OPA1: variants seen among roughly 807,000 people sequenced by gnomAD.
The protein encoded by OPA1 is OPA1 mitochondrial dynamin like GTPase.
Under a neutral mutation model 152.9 loss-of-function variants are expected in OPA1, and 59 were observed. The ratio of observed to expected loss-of-function variants is 0.39; its 90% CI spans 0.31 to 0.48. The LOEUF is 0.48. Among genes scored for constraint, OPA1 ranks in the 20% least tolerant of loss-of-function variants. OPA1 has a pLI of 0.96. For synonymous variants in OPA1, 400 were observed against 389.9 expected, an observed-to-expected ratio of 1.03 and a Z score of -0.31; for missense variants, 1,008 against 1,216.8, an observed-to-expected ratio of 0.83 and a Z score of 2.55.
At chr3:193,688,898 A>G (rs1426511055) in intron 29 of OPA1, among the ~76,000 whole-genome samples, 1 of 152,152 alleles carries the variant, frequency 6.6e-6, no homozygotes, top group African/African-American at 2.4e-5. Flanking sequence ...AGGTAGGAGA[A>G]TCGCTTGAGC....
chr3:193,654,896 G>T lies in OPA1; in HGVS notation c.2047G>T (p.Val683Leu). ...CCTTCAACAATCTTTGTGGGAAAGAGTATCAACTCATGTGATTGAAAACAT... is the reference window on the plus strand; with the variant it reads ...CCTTCAACAATCTTTGTGGGAAAGATTATCAACTCATGTGATTGAAAACAT... Reference protein sequence around the residue: ...EILQQSLWERVSTHVIENIYL... With the variant: ...EILQQSLWERLSTHVIENIYL... The change falls in exon 22 of 31, where the codon GTA (valine) becomes TTA (leucine). Residue 683 changes from valine (V) to leucine (L), a missense_variant. Physicochemically the swap from Val to Leu is conservative, Grantham distance 32. Transcript: ENST00000361510. 1 of 1,613,920 alleles carries T rather than the reference G, an allele frequency of 6.2e-7. No individual in the cohort carries two copies. The highest frequency in any genetic ancestry group is 1.3e-5 in the African/African-American group (1 of 75,026).
rs557322170 is a variant in OPA1, at chr3:193,609,397, C to T, written c.33-5326C>T. 1.2e-4 allele frequency among the ~76,000 whole-genome samples: 19 copies of T among 152,232 alleles called. No individual in the cohort carries two copies. In the South Asian group the frequency reaches 2.5e-3, roughly 20 times the overall value. On this transcript the variant is annotated intron_variant, in intron 1 of 30. Coordinates refer to ENST00000361510, the MANE Select transcript of OPA1 (RefSeq NM_130837.3). Reference sequence around the variant, plus strand: ...CTCTTCTGGCGTGTAGAGTTTCTGCCGAGAGATCAGCTGTTGGTCTGATGG... The same window carrying T: ...CTCTTCTGGCGTGTAGAGTTTCTGCTGAGAGATCAGCTGTTGGTCTGATGG...
At chr3:193,603,766 TA>T (rs1045265786) in intron 1 of OPA1, among the ~76,000 whole-genome samples, 1 of 152,198 alleles carries the variant, frequency 6.6e-6, no homozygotes. Flanking sequence ...TCCTGACTGA[TA>T]TTTTTTTTTC....
chr3:193,618,216 T>C (rs868292515), intron 5 of OPA1, among the ~76,000 whole-genome samples: 1 of 152,004 alleles, frequency 6.6e-6, no homozygotes, highest in South Asian at 2.1e-4. Flanking sequence ...CGGTGGCTCA[T>C]GCCTGTAATC....
chr3:193,597,451 G>A (rs1385745935), intron 1 of OPA1, among the ~76,000 whole-genome samples: 2 of 152,104 alleles, frequency 1.3e-5, no homozygotes, highest in Non-Finnish European at 2.9e-5. Flanking sequence ...AGCACTTTGG[G>A]AGGCCGAGGT....
intron 8 of OPA1, among the ~76,000 whole-genome samples, 185 bp from the exon 9 acceptor site, chr3:193,635,233 A>C (rs1206187973): frequency 6.6e-6 from 1 of 152,170 alleles, no homozygotes; most frequent in African/African-American, 2.4e-5. Context: ...AATGATTTCC[A>C]CTGTTTGTAA....
chr3:193,664,077 G>C (rs1715951397), intron 26 of OPA1, among the ~76,000 whole-genome samples: 1 of 152,086 alleles, frequency 6.6e-6, no homozygotes, highest in South Asian at 2.1e-4. Context: ...CTTAGGCAAT[G>C]AATTGACTGT....
Position 193,647,363 on chromosome 3 carries a change from T to C in OPA1, c.1870+183T>C, listed in dbSNP as rs74442140. Among the ~76,000 whole-genome samples the C allele has an allele frequency of 0.019, 2,941 of 152,316 alleles. 42 individuals are homozygous for C. The highest frequency in any genetic ancestry group is 0.025 in the Non-Finnish European group (1,730 of 68,030). On this transcript the variant is annotated intron_variant, in intron 19 of 30. Transcript: ENST00000361510. ...AGTTGTTATACAAGAACAAGATTTTTCCTTTCAGAGGAAACATCTCTAGAA... is the reference window on the plus strand; with the variant it reads ...AGTTGTTATACAAGAACAAGATTTTCCCTTTCAGAGGAAACATCTCTAGAA...
intron 29 of OPA1, among the ~76,000 whole-genome samples, chr3:193,672,544 G>T (rs1718157210): frequency 6.6e-6 from 1 of 152,114 alleles, no homozygotes; most frequent in Non-Finnish European, 1.5e-5. Flanking sequence ...CATTCAAGGG[G>T]CATTATTGAT....
At chr3:193,667,523 T>G in intron 29 of OPA1, 1 of 436,284 alleles carries the variant, frequency 2.3e-6, no homozygotes, top group Non-Finnish European at 4.4e-6. Context: ...ACAAAAAACT[T>G]AGCCAGGTGT....
chr3:193,643,443 A>G lies in OPA1; in HGVS notation c.1376A>G (p.Asn459Ser), dbSNP rs1242989944. ...CTTGTTGACTTACCAGGTGTGATTAATGTAAGTATATACAAAACATGTATT... is the reference window on the plus strand; with the variant it reads ...CTTGTTGACTTACCAGGTGTGATTAGTGTAAGTATATACAAAACATGTATT... ...MVLVDLPGVI[N>S]TVTSGMAPDT... The change falls in exon 14 of 31, where the codon AAT becomes AGT. Residue 459 changes from asparagine to serine, a missense_variant and splice_region_variant. By Grantham distance (46) the Asn-to-Ser change is conservative. This residue lies in a region of OPA1 where 213 missense variants were observed against 291.4 expected (regional missense o/e 0.73). Transcript: ENST00000361510. The G allele has an allele frequency of 1.2e-6, 2 of 1,608,184 alleles. No individual in the cohort carries two copies. The highest frequency in any genetic ancestry group is 2.7e-5 in the African/African-American group (2 of 74,832).
intron 18 of OPA1, among the ~76,000 whole-genome samples, chr3:193,646,044 C>T (rs1560378236): frequency 7.0e-6 from 1 of 142,310 alleles, no homozygotes; most frequent in Non-Finnish European, 1.5e-5. Flanking sequence ...CACTGAAAGA[C>T]AACATAGATA....
chr3:193,635,769 A>AT (rs1323655044), intron 9 of OPA1, among the ~76,000 whole-genome samples: 19 of 152,226 alleles, frequency 1.2e-4, no homozygotes, highest in African/African-American at 4.6e-4. Flanking sequence ...GAATCAGTTT[A>AT]TTTTTCTGAA....
chr3:193,657,299 T>G, intron 23 of OPA1, 67 bp downstream of exon 23: 1 of 1,463,998 alleles, frequency 6.8e-7, no homozygotes, highest in South Asian at 1.2e-5. Flanking sequence ...TGATACTTTT[T>G]CATAGGAGAC....
At chr3:193,598,210 G>A (rs1725909170) in intron 1 of OPA1, among the ~76,000 whole-genome samples, 2 of 152,180 alleles carry the variant, frequency 1.3e-5, no homozygotes, top group South Asian at 4.1e-4. Context: ...GAGAAAGATC[G>A]CTTAATTTTA....
chr3:193,656,990 A>G (rs1714001526), intron 22 of OPA1, 90 bp from the exon 23 acceptor site: 1 of 1,111,060 alleles, frequency 9.0e-7, no homozygotes, highest in Admixed American at 2.3e-5. Flanking sequence ...TATTTATCAC[A>G]TCTGTTTGGC....
At chr3:193,655,948 C>T (rs538242730) in intron 22 of OPA1, among the ~76,000 whole-genome samples, 1 of 152,266 alleles carries the variant, frequency 6.6e-6, no homozygotes, top group African/African-American at 2.4e-5. Flanking sequence ...CACCCCTTTC[C>T]TATCTTGCTC....
chr3:193,684,780 C>T (rs771179746), intron 29 of OPA1, among the ~76,000 whole-genome samples: 1 of 151,758 alleles, frequency 6.6e-6, no homozygotes, highest in African/African-American at 2.4e-5. Context: ...TAAGTCAGAG[C>T]CATAATCATT....
intron 16 of OPA1, among the ~76,000 whole-genome samples, chr3:193,645,328 T>A (rs1164971309): frequency 6.6e-6 from 1 of 152,134 alleles, no homozygotes; most frequent in Non-Finnish European, 1.5e-5. Flanking sequence ...GAACTACACA[T>A]CATTCCGGGT....
Sources: gnomAD v4.1 joint callset for allele counts (sites outside exome capture counted in the v4.1 genomes callset) on GRCh38, gnomAD v4.1.1 for gene constraint, gnomAD v4.1.1 regional missense constraint, MANE v1.5 for transcripts, NCBI Gene and HGNC (gene_info 2026-07-23, HGNC 2026-07-21) for gene names.